Variants in MATN2 observed in about 807,000 individuals in gnomAD.
MATN2 encodes the protein matrilin-2.
Under a neutral mutation model 103.2 loss-of-function variants are expected in MATN2, and 69 were observed. The ratio of observed to expected loss-of-function variants is 0.67; its 90% confidence interval spans 0.55 to 0.82. MATN2 has a LOEUF of 0.82. Among genes scored for constraint, MATN2 ranks in the 40% least tolerant of loss-of-function variants. The probability of loss-of-function intolerance (pLI) is 0.00; values close to 1 mark genes in which losing one functional copy is unlikely to be tolerated. For synonymous variants in MATN2, 429 were observed against 450.2 expected, an observed-to-expected ratio of 0.95 and a Z score of 0.60; for missense variants, 1,023 against 1,211.5, an observed-to-expected ratio of 0.84 and a Z score of 2.31.
intron 18 of MATN2, among the ~76,000 whole-genome samples, chr8:98,034,960 A>T (rs1378122): frequency 6.6e-6 from 1 of 151,156 alleles, no homozygotes; most frequent in Admixed American, 6.6e-5. Flanking sequence ...TGTGGCTCAC[A>T]CCTGTAATCC....
intron 18 of MATN2, among the ~76,000 whole-genome samples, chr8:98,035,440 T>TA (rs1814204047): frequency 6.7e-6 from 1 of 149,224 alleles, no homozygotes; most frequent in African/African-American, 2.5e-5. Flanking sequence ...TTTGCTGATG[T>TA]TAAAAAAAAA....
chr8:97,922,399 C>T (rs1177359344), intron 2 of MATN2, among the ~76,000 whole-genome samples: 2 of 152,258 alleles, frequency 1.3e-5, no homozygotes, highest in African/African-American at 4.8e-5. Context: ...GTCTGCCTGC[C>T]CTTATTTCTC....
intron 1 of MATN2, among the ~76,000 whole-genome samples, chr8:97,886,720 TAGTG>T (rs980525488): frequency 6.6e-6 from 1 of 151,912 alleles, no homozygotes; most frequent in African/African-American, 2.4e-5. Flanking sequence ...TTCGCTGAAA[TAGTG>T]AGGTTTTTTT....
chr8:97,951,573 AG>A, intron 4 of MATN2, among the ~76,000 whole-genome samples: 2 of 152,270 alleles, frequency 1.3e-5, no homozygotes, highest in Middle Eastern at 3.4e-3. Context: ...CAAGCCCTCC[AG>A]GGGATGTCGA....
At chr8:98,020,295 A>G (rs973856891) in intron 12 of MATN2, among the ~76,000 whole-genome samples, 2 of 152,056 alleles carry the variant, frequency 1.3e-5, no homozygotes, top group Non-Finnish European at 2.9e-5. Context: ...ACAAGCGTGC[A>G]CCACCACACC....
chr8:97,924,549 CCT>C (rs759411895), intron 2 of MATN2, among the ~76,000 whole-genome samples: 2 of 152,078 alleles, frequency 1.3e-5, no homozygotes, highest in Admixed American at 6.6e-5. Flanking sequence ...AGATCGGTGA[CCT>C]CTCTCTTTCC....
intron 12 of MATN2, among the ~76,000 whole-genome samples, chr8:98,018,935 C>G (rs1278468032): frequency 1.3e-5 from 2 of 151,812 alleles, no homozygotes; most frequent in African/African-American, 2.4e-5. Flanking sequence ...TCACCCAGAA[C>G]AGGCTCTGAG....
At chr8:98,002,016 A>G (rs1261874764) in intron 7 of MATN2, among the ~76,000 whole-genome samples, 1 of 152,214 alleles carries the variant, frequency 6.6e-6, no homozygotes, top group African/African-American at 2.4e-5. Flanking sequence ...AATGCTGTGC[A>G]GTTAAACTGA....
chr8:97,938,060 A>G (rs576835833), intron 3 of MATN2, among the ~76,000 whole-genome samples: 1 of 152,008 alleles, frequency 6.6e-6, no homozygotes, highest in South Asian at 2.1e-4. Flanking sequence ...CTGTCTTCTT[A>G]TTTTGTCTGT....
chr8:97,901,735 C>T (rs527785944), intron 2 of MATN2, among the ~76,000 whole-genome samples: 109 of 152,306 alleles, frequency 7.2e-4, no homozygotes, highest in Admixed American at 1.6e-3. Flanking sequence ...ACAAATTCCA[C>T]GGCCTCAGGC....
rs951569186 is a variant in MATN2 at position 98,005,681 on chromosome 8, G to C, written c.1328-1424G>C. Among the ~76,000 whole-genome samples the C allele has an allele frequency of 2.0e-5, 3 of 152,178 alleles. No individual in the cohort carries two copies. Among genetic ancestry groups the C allele is most frequent in the African/African-American group, 7.2e-5 (3 of 41,448 alleles). On this transcript the variant is annotated intron_variant, in intron 8 of 18. Coordinates refer to ENST00000254898, the MANE Select transcript of MATN2 (RefSeq NM_002380.5). The surrounding 1 kb of genome is among the most constrained non-coding windows in gnomAD (Gnocchi z 4.6). ...GGAATCAGGGAGCCCAGGCCATAAA[G>C]ACAGCAAGCAATTCTGAGGCGCTCA... is the stretch of plus-strand genomic sequence containing the variant.
rs58985201 is a variant in MATN2, at chr8:97,992,745, C to CAAAAAAAAAAAAAAA, written c.1082-1724_1082-1710dup. ...TGGGTGTTAGAGTGAGACTCCATCTCAAAAAAAAAAAAAAAAAAAAAAAAA... is the reference window on the plus strand; with the variant it reads ...TGGGTGTTAGAGTGAGACTCCATCTCAAAAAAAAAAAAAAAAAAAAAAAAAAAAAAAAAAAAAAAA... On this transcript the variant is annotated intron_variant, in intron 6 of 18. Coordinates refer to ENST00000254898, the MANE Select transcript of MATN2 (RefSeq NM_002380.5). Among the ~76,000 whole-genome samples, 79 of 49,560 alleles carry CAAAAAAAAAAAAAAA rather than the reference C, an allele frequency of 1.6e-3. 4 individuals are homozygous for CAAAAAAAAAAAAAAA. The highest frequency in any genetic ancestry group is 3.2e-3 in the East Asian group (5 of 1,574). 32.5% of individuals were successfully genotyped at this position (49,560 alleles called of 152,430 possible).
intron 6 of MATN2, among the ~76,000 whole-genome samples, chr8:97,993,438 T>C (rs1206069175): frequency 6.6e-6 from 1 of 152,138 alleles, no homozygotes; most frequent in Admixed American, 6.5e-5. Context: ...TTTGCTCAGA[T>C]TCTGCAATAA....
rs756447934 is a variant in MATN2, at chr8:97,961,528, T to C, written c.956T>C (p.Val319Ala). 14 of 1,611,032 alleles carry C rather than the reference T, an allele frequency of 8.7e-6. No homozygotes were observed. The highest frequency in any genetic ancestry group is 1.2e-5 in the Non-Finnish European group (14 of 1,178,422). Residue 319 changes from valine to alanine, a missense_variant and splice_region_variant, in exon 5 of 19, where the codon GTG (valine) becomes GCG (alanine). By Grantham distance (64) the Val-to-Ala change is moderately conservative (BLOSUM62 0). Coordinates refer to ENST00000254898, the MANE Select transcript of MATN2 (RefSeq NM_002380.5). ...YALAEDGKRC[V>A]AVDYCASENH... The stretch of plus-strand genomic sequence containing the variant: ...CTGGCTGAGGATGGGAAGAGGTGTG[T>C]GGGTGAGTATCCCTCCAGCTGGGCT...
chr8:97,908,155 G>C (rs1819246687), intron 2 of MATN2, among the ~76,000 whole-genome samples: 1 of 152,142 alleles, frequency 6.6e-6, no homozygotes, highest in Admixed American at 6.5e-5. Flanking sequence ...TGGGTAGTTG[G>C]CTGAGGCAGG....
chr8:98,022,958 C>T lies in MATN2; in HGVS notation c.1942+1631C>T, dbSNP rs190146547. Reference sequence around the variant, plus strand: ...TAAAAATTAGCCAGGCGTGGTGGCACGCATCTATAATCCCAGCTACTCAAG... The same window carrying T: ...TAAAAATTAGCCAGGCGTGGTGGCATGCATCTATAATCCCAGCTACTCAAG... On this transcript the variant is annotated intron_variant, in intron 13 of 18. Transcript: ENST00000254898. Among the ~76,000 whole-genome samples, 986 of 152,156 alleles carry T rather than the reference C, an allele frequency of 6.5e-3. 9 individuals carry two copies. Among genetic ancestry groups the T allele is most frequent in the African/African-American group, 0.022 (901 of 41,514 alleles).
chr8:98,014,147 G>A (rs1813278067), intron 10 of MATN2, among the ~76,000 whole-genome samples: 1 of 152,164 alleles, frequency 6.6e-6, no homozygotes, highest in African/African-American at 2.4e-5. Context: ...AAGCTAGGAG[G>A]ACAGGACTGG....
At chr8:97,944,420 G>C (rs1429714791) in intron 4 of MATN2, among the ~76,000 whole-genome samples, 2 of 152,174 alleles carry the variant, frequency 1.3e-5, no homozygotes, top group African/African-American at 4.8e-5. Context: ...CAGTGATAAA[G>C]AACAGCTCTC....
In MATN2 at chr8:98,024,802, C is replaced by G. The variant is rs551676236; in HGVS notation, c.1943-2614C>G. On this transcript the variant is annotated intron_variant, in intron 13 of 18. Transcript: ENST00000254898. ...CATTCCAGTCTTATCAACTTAACTACCAAAAAGAAAATGCCCAAGAAAAGT... is the reference window on the plus strand; with the variant it reads ...CATTCCAGTCTTATCAACTTAACTAGCAAAAAGAAAATGCCCAAGAAAAGT... 2.6e-5 allele frequency: 4 copies of G among 152,310 alleles called. No individual in the cohort carries two copies. The South Asian group carries it at 8.3e-4, about 32-fold the overall frequency. 9.4% of individuals were successfully genotyped at this position (152,310 alleles called of 1,614,324 possible). A position where few individuals can be genotyped will look rare whatever the true frequency, so the allele number is the denominator to read the frequency against.
Sources: gnomAD v4.1 joint callset for allele counts (sites outside exome capture counted in the v4.1 genomes callset) on GRCh38, gnomAD v4.1.1 for gene constraint, Gnocchi (gnomAD v3.1) non-coding constraint, MANE v1.5 for transcripts, NCBI Gene and HGNC (gene_info 2026-07-23, HGNC 2026-07-21) for gene names.